Variants in PDPR observed in about 807,000 individuals in gnomAD.
PDPR encodes the protein pyruvate dehydrogenase phosphatase regulatory subunit.
Under a neutral mutation model 102.2 loss-of-function variants are expected in PDPR, and 50 were observed. The ratio of observed to expected loss-of-function variants is 0.49; its 90% CI spans 0.39 to 0.62. The LOEUF is 0.62. PDPR is among the 20% of genes least tolerant of loss of function. The probability of loss-of-function intolerance (pLI) is 0.00; values close to 1 mark genes in which losing one functional copy is unlikely to be tolerated. For missense variants in PDPR, 625 were observed against 1,098.2 expected (o/e 0.57, Z 6.09); for synonymous variants, 259 against 406.0 (o/e 0.64, Z 4.35).
chr16:70,117,647 G>A (rs534141471), intron 2 of PDPR, among the ~76,000 whole-genome samples: 25 of 152,220 alleles, frequency 1.6e-4, no homozygotes, highest in Non-Finnish European at 3.1e-4. Flanking sequence ...GAACACTCAC[G>A]CCTCACCTGA....
intron 3 of PDPR, among the ~76,000 whole-genome samples, chr16:70,122,455 A>G (rs984991825): frequency 1.3e-5 from 2 of 152,290 alleles, no homozygotes; most frequent in Admixed American, 1.3e-4. Flanking sequence ...CAGTAAGACC[A>G]CAGAAATTAG....
At chr16:70,126,410 C>T (rs1242825584) in intron 3 of PDPR, among the ~76,000 whole-genome samples, 2 of 152,390 alleles carry the variant, frequency 1.3e-5, no homozygotes, top group Non-Finnish European at 2.9e-5. Flanking sequence ...GTCACCCAGG[C>T]TGGAACGCCG....
chr16:70,142,721 G>A, intron 13 of PDPR, 35 bp downstream of exon 13: 1 of 1,613,508 alleles, frequency 6.2e-7, no homozygotes, highest in Non-Finnish European at 8.5e-7. Context: ...AATAGATTAG[G>A]AAACTTTACA....
chr16:70,115,898 T>A (rs1001283726), intron 2 of PDPR, among the ~76,000 whole-genome samples: 1 of 152,168 alleles, frequency 6.6e-6, no homozygotes, highest in African/African-American at 2.4e-5. Flanking sequence ...TCCTTTGTTA[T>A]CAGTTTGTGC....
intron 3 of PDPR, among the ~76,000 whole-genome samples, chr16:70,125,679 G>A (rs918483302): frequency 3.9e-5 from 6 of 151,946 alleles, no homozygotes; most frequent in Admixed American, 2.6e-4. Context: ...CTGTCACCCA[G>A]GCTGTAGTGC....
intron 17 of PDPR, among the ~76,000 whole-genome samples, chr16:70,152,072 A>ATCT (rs1966779570): frequency 6.6e-6 from 1 of 152,266 alleles, no homozygotes; most frequent in Non-Finnish European, 1.5e-5. Flanking sequence ...GTGGGAGAGT[A>ATCT]CCACATTCCC....
At chr16:70,136,068 CAA>C (rs35739737) in intron 9 of PDPR, 124 bp from the exon 10 acceptor site, 123,637 of 659,588 alleles carry the variant, frequency 0.19, 822 homozygotes, top group East Asian at 0.23. Context: ...GACTCCATCT[CAA>C]AAAAAAAAAA....
chr16:70,162,765 G>A (rs1967907591), downstream of PDPR, among the ~76,000 whole-genome samples: 1 of 152,268 alleles, frequency 6.6e-6, no homozygotes, highest in Non-Finnish European at 1.5e-5. Flanking sequence ...CCGGCCTTCT[G>A]CCTACAGCTG....
chr16:70,151,443 A>G (rs1966734037), intron 17 of PDPR, among the ~76,000 whole-genome samples: 1 of 152,286 alleles, frequency 6.6e-6, no homozygotes, highest in Non-Finnish European at 1.5e-5. Flanking sequence ...AGCGCATGAA[A>G]TTTCATCTGC....
chr16:70,125,953 A>G (rs895474338), intron 3 of PDPR, among the ~76,000 whole-genome samples: 8 of 152,272 alleles, frequency 5.3e-5, no homozygotes, highest in Non-Finnish European at 1.2e-4. Context: ...CACTTCTAAC[A>G]AAAAGCTTTC....
chr16:70,161,591 A>T lies in PDPR; in HGVS notation c.*4712A>T, dbSNP rs1382249768. Reference sequence around the variant, plus strand: ...CTCCGTCAGCGCCTCCCTCCCCGCCACCACTTCAGGCCAACAATTTAAGGT... The same window carrying T: ...CTCCGTCAGCGCCTCCCTCCCCGCCTCCACTTCAGGCCAACAATTTAAGGT... On this transcript the variant is annotated 3_prime_UTR_variant, in exon 19 of 19. Coordinates refer to ENST00000288050, the MANE Select transcript of PDPR (RefSeq NM_017990.5). 6.5e-6 allele frequency: 1 copy of T among 153,124 alleles called. No individual in the cohort carries two copies. The allele number at this position is 153,124 out of a possible 1,614,324, so 9.5% of individuals were successfully genotyped here. A position where few individuals can be genotyped will look rare whatever the true frequency, so the allele number is the denominator to read the frequency against.
chr16:70,135,194 T>G (rs1964993542), intron 9 of PDPR, among the ~76,000 whole-genome samples: 1 of 150,486 alleles, frequency 6.6e-6, no homozygotes. Flanking sequence ...TAAAGCAGGG[T>G]GAAAGTCTGT....
Position 70,156,755 on chromosome 16 carries a change from A to T in PDPR, c.2516A>T (p.Glu839Val), listed in dbSNP as rs752395918. ...ACAGCAGATTTCATCAACCGGGGAG[A>T]GTATGAGATTGACATCGCGGGATAC... is the stretch of plus-strand genomic sequence containing the variant. ...VVTADFINRG[E>V]YEIDIAGYRF... is the part of the protein sequence containing the mutation. The change falls in exon 19 of 19, where the codon GAG (glutamate) becomes GTG (valine). Residue 839 changes from glutamate (E) to valine (V), a missense_variant. By Grantham distance (121) the Glu-to-Val change is moderately radical. Transcript: ENST00000288050. The T allele has an allele frequency of 1.2e-6, 2 of 1,613,950 alleles. No homozygotes were observed. Among genetic ancestry groups the T allele is most frequent in the Non-Finnish European group, 1.7e-6 (2 of 1,179,920 alleles).
chr16:70,143,713 G>C, intron 14 of PDPR, 55 bp downstream of exon 14: 1 of 1,580,488 alleles, frequency 6.3e-7, no homozygotes, highest in Non-Finnish European at 8.6e-7. Context: ...TTCCTTAGGG[G>C]TGCTGTAGCA....
intron 10 of PDPR, among the ~76,000 whole-genome samples, chr16:70,136,691 T>G (rs1965174720): frequency 6.6e-6 from 1 of 152,212 alleles, no homozygotes; most frequent in Non-Finnish European, 1.5e-5. Flanking sequence ...AGTGTGTATT[T>G]GAGTTTGGTA....
chr16:70,153,514 A>G lies in PDPR; in HGVS notation c.2176A>G (p.Ile726Val), dbSNP rs1966851220. The G allele has an allele frequency of 3.7e-6, 6 of 1,612,650 alleles. No individual in the cohort carries two copies. Among genetic ancestry groups the G allele is most frequent in the Non-Finnish European group, 5.1e-6 (6 of 1,179,444 alleles). ...GTTTTTTGCCTTCTGGGGTCAGGAT[A>G]TAAATAACCTCACCACGCCCCTGGA... is the stretch of plus-strand genomic sequence containing the variant. ...EKFFAFWGQD[I>V]NNLTTPLECG... The change falls in exon 18 of 19, where the codon ATA (isoleucine) becomes GTA (valine). Residue 726 changes from isoleucine (I) to valine (V), a missense_variant. Transcript: ENST00000288050.
At position 70,153,500 on chromosome 16, in the gene PDPR, T is replaced by A; in HGVS notation, c.2162T>A (p.Phe721Tyr). 1 of 1,613,046 alleles carries A rather than the reference T, an allele frequency of 6.2e-7. No individual in the cohort carries two copies. Among genetic ancestry groups the A allele is most frequent in the Non-Finnish European group, 8.5e-7 (1 of 1,179,582 alleles). ...RSLRIEKFFA[F>Y]WGQDINNLTT... ...CTCCGAATTGAGAAGTTTTTTGCCT[T>A]CTGGGGTCAGGATATAAATAACCTC... is the stretch of plus-strand genomic sequence containing the variant. Residue 721 changes from phenylalanine to tyrosine, a missense_variant, in exon 18 of 19, where the codon TTC (phenylalanine) becomes TAC (tyrosine). Coordinates refer to ENST00000288050, the MANE Select transcript of PDPR (RefSeq NM_017990.5).
Position 70,157,092 on chromosome 16 carries a change from G to A in PDPR, c.*213G>A. Reference sequence around the variant, plus strand: ...ACCTCCTCCTCCTAATATTCACTCTGGGCTCTTCTTCCCTTCCCACCCCTC... The same window carrying A: ...ACCTCCTCCTCCTAATATTCACTCTAGGCTCTTCTTCCCTTCCCACCCCTC... On this transcript the variant is annotated 3_prime_UTR_variant, in exon 19 of 19. Transcript: ENST00000288050. 1 of 752,608 alleles carries A rather than the reference G, an allele frequency of 1.3e-6. No individual in the cohort carries two copies. The highest frequency in any genetic ancestry group is 2.3e-6 in the Non-Finnish European group (1 of 435,378). The allele number at this position is 752,608 out of a possible 1,614,324, so 46.6% of individuals were successfully genotyped here.
Position 70,142,579 on chromosome 16 carries a change from A to G in PDPR, c.1498A>G (p.Thr500Ala), listed in dbSNP as rs1199886852. The change falls in exon 13 of 19, where the codon ACT becomes GCT. Residue 500 changes from threonine to alanine, a missense_variant. Coordinates refer to ENST00000288050, the MANE Select transcript of PDPR (RefSeq NM_017990.5). ...KDLLALEQSKTFYKPDWFDIV... is the reference protein window; with the variant it reads ...KDLLALEQSKAFYKPDWFDIV... Reference sequence around the variant, plus strand: ...CCTCCTGGCATTGGAGCAGAGCAAGACTTTCTATAAGCCAGATTGGTTTGA... The same window carrying G: ...CCTCCTGGCATTGGAGCAGAGCAAGGCTTTCTATAAGCCAGATTGGTTTGA... The G allele has an allele frequency of 6.2e-7, 1 of 1,613,950 alleles. No individual in the cohort carries two copies. Among genetic ancestry groups the G allele is most frequent in the Non-Finnish European group, 8.5e-7 (1 of 1,179,906 alleles).
Sources: gnomAD v4.1 joint callset for allele counts (sites outside exome capture counted in the v4.1 genomes callset) on GRCh38, gnomAD v4.1.1 for gene constraint, MANE v1.5 for transcripts, NCBI Gene and HGNC (gene_info 2026-07-23, HGNC 2026-07-21) for gene names.